Variants in KCNK13 observed in about 807,000 individuals in gnomAD.
The protein encoded by KCNK13 is potassium two pore domain channel subfamily K member 13.
KCNK13 carries 12 observed loss-of-function variants against 23.4 expected under a neutral mutation model. The ratio of observed to expected loss-of-function variants is 0.51; its 90% CI spans 0.33 to 0.83. The LOEUF (loss-of-function observed/expected upper bound fraction) is 0.83. Among genes scored for constraint, KCNK13 ranks in the 40% least tolerant of loss-of-function variants. The probability of loss-of-function intolerance (pLI) is 0.02; values close to 1 mark genes in which losing one functional copy is unlikely to be tolerated. For missense variants in KCNK13, 463 were observed against 556.3 expected (o/e 0.83, Z 1.69); for synonymous variants, 231 against 229.5 (o/e 1.01, Z -0.06).
rs147563429 is a variant in KCNK13, at chr14:90,089,739, C to T, written c.334+27200C>T. Among the ~76,000 whole-genome samples, 514 of 152,306 alleles carry T rather than the reference C, an allele frequency of 3.4e-3. 2 individuals are homozygous for T. Among genetic ancestry groups the T allele is most frequent in the African/African-American group, 0.012 (486 of 41,570 alleles). Reference sequence around the variant, plus strand: ...CTTTGTGGGCCAGGCCCAGGGTCCCCGTGCTGTGTGCAGTCTAGGGATTTG... The same window carrying T: ...CTTTGTGGGCCAGGCCCAGGGTCCCTGTGCTGTGTGCAGTCTAGGGATTTG... On this transcript the variant is annotated intron_variant, in intron 1 of 1. Coordinates refer to ENST00000282146, the MANE Select transcript of KCNK13 (RefSeq NM_022054.4).
At chr14:90,160,508 G>C (rs1890241228) in intron 1 of KCNK13, among the ~76,000 whole-genome samples, 1 of 151,982 alleles carries the variant, frequency 6.6e-6, no homozygotes, top group Non-Finnish European at 1.5e-5. Flanking sequence ...TTATATTTTG[G>C]GTGATTTTTT....
chr14:90,162,626 T>G (rs1003749803), intron 1 of KCNK13, among the ~76,000 whole-genome samples: 1 of 152,224 alleles, frequency 6.6e-6, no homozygotes, highest in African/African-American at 2.4e-5. Flanking sequence ...TTTAAAATGT[T>G]ATGTGCCTGC....
At chr14:90,156,146 A>G (rs956785227) in intron 1 of KCNK13, among the ~76,000 whole-genome samples, 2 of 149,756 alleles carry the variant, frequency 1.3e-5, no homozygotes, top group African/African-American at 4.9e-5. Flanking sequence ...TCGAGGCTGC[A>G]GTGAGCCACG....
chr14:90,122,559 G>T (rs997267985), intron 1 of KCNK13, among the ~76,000 whole-genome samples: 10 of 152,040 alleles, frequency 6.6e-5, no homozygotes, highest in Non-Finnish European at 1.0e-4. Flanking sequence ...GGCCAGGGTA[G>T]CCTCAAACTC....
At chr14:90,100,099 C>T (rs895266055) in intron 1 of KCNK13, among the ~76,000 whole-genome samples, 22 of 152,044 alleles carry the variant, frequency 1.4e-4, no homozygotes, top group African/African-American at 5.1e-4. Flanking sequence ...TAGGAAGTAC[C>T]GAGGGGCCAG....
intron 1 of KCNK13, among the ~76,000 whole-genome samples, chr14:90,079,192 C>T (rs192839588): frequency 8.0e-4 from 121 of 152,100 alleles, no homozygotes; most frequent in African/African-American, 2.8e-3. Context: ...AAAGGGAGAG[C>T]GAGGGGGTGT....
chr14:90,109,075 G>A (rs1053122172), intron 1 of KCNK13, among the ~76,000 whole-genome samples: 1 of 151,872 alleles, frequency 6.6e-6, no homozygotes, highest in Non-Finnish European at 1.5e-5. Flanking sequence ...TACTCGGGAG[G>A]CTGAGGCAGG....
At chr14:90,180,446 G>A (rs1050208132) in intron 1 of KCNK13, among the ~76,000 whole-genome samples, 1 of 152,136 alleles carries the variant, frequency 6.6e-6, no homozygotes, top group African/African-American at 2.4e-5. Context: ...TTTCAGCGCT[G>A]AGAGTAGTAA....
intron 1 of KCNK13, among the ~76,000 whole-genome samples, chr14:90,101,029 G>A (rs1470527308): frequency 2.0e-5 from 3 of 152,098 alleles, no homozygotes; most frequent in African/African-American, 7.2e-5. Flanking sequence ...ATGCTTCCAC[G>A]TGCTTTGCAA....
intron 1 of KCNK13, among the ~76,000 whole-genome samples, chr14:90,065,210 G>C (rs2140385517): frequency 6.6e-6 from 1 of 152,184 alleles, no homozygotes; most frequent in Admixed American, 6.5e-5. Context: ...ATTACATGAT[G>C]GTGTTTTTCC....
At chr14:90,160,740 G>T (rs7148118) in intron 1 of KCNK13, among the ~76,000 whole-genome samples, 1,651 of 151,858 alleles carry the variant, frequency 0.011, 16 homozygotes, top group South Asian at 0.03. Flanking sequence ...ATGCTCTGGA[G>T]GCTGAGACAG....
Position 90,185,091 on chromosome 14 carries a change from C to T in KCNK13, c.*88C>T. Reference sequence around the variant, plus strand: ...ACGAGCTCAGCCCTGCGCCTTGGCTCTGTTCCTTCTGGGAGCTGTTCCCGG... The same window carrying T: ...ACGAGCTCAGCCCTGCGCCTTGGCTTTGTTCCTTCTGGGAGCTGTTCCCGG... On this transcript the variant is annotated 3_prime_UTR_variant, in exon 2 of 2. Coordinates refer to ENST00000282146, the MANE Select transcript of KCNK13 (RefSeq NM_022054.4). 1 of 1,214,124 alleles carries T rather than the reference C, an allele frequency of 8.2e-7. No homozygotes were observed. The highest frequency in any genetic ancestry group is 1.1e-6 in the Non-Finnish European group (1 of 901,488). The allele number at this position is 1,214,124 out of a possible 1,614,324, so 75.2% of individuals were successfully genotyped here. A position where few individuals can be genotyped will look rare whatever the true frequency, so the allele number is the denominator to read the frequency against.
At chr14:90,101,976 C>G (rs1889487270) in intron 1 of KCNK13, among the ~76,000 whole-genome samples, 1 of 151,514 alleles carries the variant, frequency 6.6e-6, no homozygotes, top group Non-Finnish European at 1.5e-5. Context: ...CTCTGCCTCC[C>G]AGGTTCAAGC....
chr14:90,128,423 C>T (rs1036085958), intron 1 of KCNK13, among the ~76,000 whole-genome samples: 1 of 152,170 alleles, frequency 6.6e-6, no homozygotes, highest in Non-Finnish European at 1.5e-5. Flanking sequence ...GCCAGCCGCT[C>T]CCTTTCATTC....
intron 1 of KCNK13, among the ~76,000 whole-genome samples, chr14:90,084,984 C>T (rs2140397132): frequency 6.6e-6 from 1 of 152,078 alleles, no homozygotes; most frequent in African/African-American, 2.4e-5. Context: ...ACTCTGTCCC[C>T]CAGGCTGAAG....
At chr14:90,176,000 G>A (rs191962535) in intron 1 of KCNK13, among the ~76,000 whole-genome samples, 38 of 152,226 alleles carry the variant, frequency 2.5e-4, no homozygotes, top group African/African-American at 7.7e-4. Context: ...GTACAGCATC[G>A]CTCCCACCAT....
intron 1 of KCNK13, among the ~76,000 whole-genome samples, chr14:90,152,116 G>C (rs1432481112): frequency 1.3e-5 from 2 of 152,212 alleles, no homozygotes; most frequent in African/African-American, 4.8e-5. Context: ...CAGATGGGAG[G>C]TAATTGAATC....
At position 90,062,227 on chromosome 14, in the gene KCNK13, TG is replaced by T; in HGVS notation, c.26del (p.Gly9AlafsTer5). On this transcript the variant is annotated frameshift_variant, in exon 1 of 2. Coordinates refer to ENST00000282146, the MANE Select transcript of KCNK13 (RefSeq NM_022054.4). LOFTEE classifies it high-confidence loss of function. This position sits in a 1 kb window ranked among gnomAD's most constrained non-coding sequence, Gnocchi z 4.5. ...GGCCATGGCTGGCCGGGGTTTCAGC[TG>T]GGGCCCGGGCCACCTGAACGAGGAC... The part of the protein sequence containing the change: MAGRGFS[W>X]GPGHLNEDNA... 1.5e-6 allele frequency: 2 copies of T among 1,374,684 alleles called. No individual in the cohort carries two copies. The highest frequency in any genetic ancestry group is 2.4e-5 in the Admixed American group (1 of 42,258). 85.2% of individuals were successfully genotyped at this position (1,374,684 alleles called of 1,614,324 possible).
At chr14:90,127,199 C>T (rs1282239069) in intron 1 of KCNK13, among the ~76,000 whole-genome samples, 3 of 151,984 alleles carry the variant, frequency 2.0e-5, no homozygotes, top group African/African-American at 4.8e-5. Flanking sequence ...ATCGTCACAA[C>T]GTTTCTATGA....
Sources: gnomAD v4.1 joint callset for allele counts (sites outside exome capture counted in the v4.1 genomes callset) on GRCh38, gnomAD v4.1.1 for gene constraint, Gnocchi (gnomAD v3.1) non-coding constraint, MANE v1.5 for transcripts, NCBI Gene and HGNC (gene_info 2026-07-23, HGNC 2026-07-21) for gene names.